Variants in DIS3L2 observed in about 807,000 individuals in gnomAD.
The protein encoded by DIS3L2 is DIS3-like exonuclease 2.
A neutral mutation model predicts 97.5 loss-of-function variants in DIS3L2; 34 were observed. That is an observed-to-expected ratio of 0.35 (90% CI 0.27 to 0.46). DIS3L2 has a LOEUF of 0.46. DIS3L2 is among the 20% of genes least tolerant of loss of function. The pLI is 1.00. For missense variants in DIS3L2, 1,038 were observed against 1,146.0 expected (o/e 0.91, Z 1.36); for synonymous variants, 435 against 445.2 (o/e 0.98, Z 0.29).
chr2:232,330,795 C>T lies in DIS3L2; in HGVS notation c.2010+19C>T, dbSNP rs369487522. 2.6e-5 allele frequency: 42 copies of T among 1,605,596 alleles called. No homozygotes were observed. Among genetic ancestry groups the T allele is most frequent in the African/African-American group, 2.1e-4 (16 of 75,048 alleles). Reference sequence around the variant, plus strand: ...CATGCAGGTAAGGAGGGCCCAGCCCCGGCCTCCCCTGCTCCCAGGAGCACA... The same window carrying T: ...CATGCAGGTAAGGAGGGCCCAGCCCTGGCCTCCCCTGCTCCCAGGAGCACA... On this transcript the variant is annotated intron_variant, in intron 16 of 20. Coordinates refer to ENST00000325385, the MANE Select transcript of DIS3L2 (RefSeq NM_152383.5).
At chr2:232,132,903 A>C (rs1328157763) in intron 7 of DIS3L2, among the ~76,000 whole-genome samples, 1 of 152,154 alleles carries the variant, frequency 6.6e-6, no homozygotes. Context: ...ACATCTACCC[A>C]GAAAACACCA....
chr2:231,966,409 A>G (rs370380517), intron 1 of DIS3L2, among the ~76,000 whole-genome samples: 3 of 151,328 alleles, frequency 2.0e-5, no homozygotes, highest in Admixed American at 1.3e-4. Flanking sequence ...ACCTCAAGCA[A>G]TCCACCCGCC....
intron 7 of DIS3L2, among the ~76,000 whole-genome samples, chr2:232,134,875 A>G (rs1042708317): frequency 1.3e-5 from 2 of 151,966 alleles, no homozygotes; most frequent in Admixed American, 6.6e-5. Context: ...GTGTGCGCAC[A>G]CACACACACA....
At chr2:232,250,481 T>C (rs1032093516) in intron 12 of DIS3L2, among the ~76,000 whole-genome samples, 3 of 144,520 alleles carry the variant, frequency 2.1e-5, no homozygotes, top group Non-Finnish European at 4.5e-5. Flanking sequence ...GAGCCAGCAA[T>C]AGAGAAAGCC....
chr2:232,154,400 G>T (rs1464596201), intron 8 of DIS3L2, among the ~76,000 whole-genome samples: 848 of 13,332 alleles, frequency 0.064, 58 homozygotes, highest in South Asian at 0.22. Context: ...GTCCTTTCTG[G>T]TTGTTAGTTT....
intron 14 of DIS3L2, among the ~76,000 whole-genome samples, 177 bp downstream of exon 14, chr2:232,300,296 C>G (rs1694822051): frequency 6.6e-6 from 1 of 152,166 alleles, no homozygotes; most frequent in Non-Finnish European, 1.5e-5. Context: ...CTCTTTGCCC[C>G]TAAGTATAGA....
At chr2:232,172,312 A>G (rs1205738376) in intron 9 of DIS3L2, among the ~76,000 whole-genome samples, 1 of 151,898 alleles carries the variant, frequency 6.6e-6, no homozygotes, top group Non-Finnish European at 1.5e-5. Context: ...CTCTCCCCCC[A>G]GCTTCTCACA....
rs1695848166 is a variant in DIS3L2, at chr2:232,333,873, G to A, written c.2044G>A (p.Asp682Asn). Residue 682 changes from aspartate to asparagine, a missense_variant, in exon 17 of 21, where the codon GAC becomes AAC. Physicochemically the swap from Asp to Asn is conservative, Grantham distance 23 (BLOSUM62 1). Coordinates refer to ENST00000325385, the MANE Select transcript of DIS3L2 (RefSeq NM_152383.5). ...ALYFCSGLLQ[D>N]PAQFRHYALN... Reference sequence around the variant, plus strand: ...GTACTTCTGCTCGGGGCTGCTGCAGGACCCAGCGCAGTTCCGGCACTACGC... The same window carrying A: ...GTACTTCTGCTCGGGGCTGCTGCAGAACCCAGCGCAGTTCCGGCACTACGC... The A allele has an allele frequency of 6.2e-7, 1 of 1,612,628 alleles. No homozygotes were observed. The highest frequency in any genetic ancestry group is 1.3e-5 in the African/African-American group (1 of 74,934).
intron 1 of DIS3L2, among the ~76,000 whole-genome samples, chr2:231,985,060 C>T (rs1377030723): frequency 6.6e-6 from 1 of 152,198 alleles, no homozygotes; most frequent in Non-Finnish European, 1.5e-5. Context: ...CTGCACATAC[C>T]TTATTCACAT....
chr2:232,128,451 A>ATTTTTTTTTTTTTTT lies in DIS3L2; in HGVS notation c.602-2154_602-2140dup, dbSNP rs10682281. On this transcript the variant is annotated intron_variant, in intron 6 of 20. Transcript: ENST00000325385. ...TCTCATTAAATTGACAACTTTGCTA[A>ATTTTTTTTTTTTTTT]TTTTTTTTTTTTTTTTTTTTTTTTT... is the stretch of plus-strand genomic sequence containing the variant. Among the ~76,000 whole-genome samples, 10 of 71,694 alleles carry ATTTTTTTTTTTTTTT rather than the reference A, an allele frequency of 1.4e-4. 1 individual carries two copies. The highest frequency in any genetic ancestry group is 5.9e-4 in the African/African-American group (10 of 16,830). The allele number at this position is 71,694 out of a possible 152,430, so 47.0% of individuals were successfully genotyped here.
At chr2:232,333,361 T>C (rs1225699082) in intron 16 of DIS3L2, among the ~76,000 whole-genome samples, 2 of 138,144 alleles carry the variant, frequency 1.4e-5, no homozygotes, top group Admixed American at 1.4e-4. Context: ...TCCTTCTTCC[T>C]GGGCGAGAGT....
At chr2:232,034,641 G>A (rs917547726) in intron 5 of DIS3L2, among the ~76,000 whole-genome samples, 1 of 152,174 alleles carries the variant, frequency 6.6e-6, no homozygotes, top group African/African-American at 2.4e-5. Context: ...TGCTTTAGCT[G>A]TATCCCAGAG....
intron 8 of DIS3L2, 98 bp downstream of exon 8, chr2:232,136,817 T>C: frequency 6.9e-7 from 1 of 1,447,434 alleles, no homozygotes; most frequent in East Asian, 2.3e-5. Context: ...TATTATTTCT[T>C]TATTGAAGCA....
intron 5 of DIS3L2, among the ~76,000 whole-genome samples, chr2:232,052,029 CTT>C (rs879827503): frequency 2.8e-5 from 4 of 141,860 alleles, no homozygotes; most frequent in East Asian, 2.0e-4. Context: ...TCTTAATTTC[CTT>C]TTTTTTTTTT....
intron 11 of DIS3L2, among the ~76,000 whole-genome samples, chr2:232,246,121 T>C (rs1157222102): frequency 2.0e-5 from 3 of 152,088 alleles, no homozygotes; most frequent in Admixed American, 6.6e-5. Context: ...TAGGACAGTG[T>C]TGTAAATGCA....
At chr2:231,997,355 AG>A (rs1693759115) in intron 1 of DIS3L2, among the ~76,000 whole-genome samples, 1 of 152,226 alleles carries the variant, frequency 6.6e-6, no homozygotes, top group Admixed American at 6.5e-5. Context: ...GTAAAATATA[AG>A]TGAGTAAAGT....
At chr2:232,095,495 A>G (rs558031910) in intron 6 of DIS3L2, among the ~76,000 whole-genome samples, 1 of 152,230 alleles carries the variant, frequency 6.6e-6, no homozygotes, top group Non-Finnish European at 1.5e-5. Flanking sequence ...GCTTTTATTC[A>G]CATCTTACAA....
Position 232,337,104 on chromosome 2 carries a change from A to G in DIS3L2, c.*474A>G, listed in dbSNP as rs1473223888. 1 of 1,023,390 alleles carries G rather than the reference A, an allele frequency of 9.8e-7. No homozygotes were observed. The highest frequency in any genetic ancestry group is 5.5e-5 in the Admixed American group (1 of 18,262). The allele number at this position is 1,023,390 out of a possible 1,614,324, so 63.4% of individuals were successfully genotyped here. ...TGTCAACACCTGGAACTTTCCTGTC[A>G]GTTCCAACACGATTCAGAGCTGGCT... On this transcript the variant is annotated 3_prime_UTR_variant, in exon 21 of 21. Coordinates refer to ENST00000325385, the MANE Select transcript of DIS3L2 (RefSeq NM_152383.5).
In DIS3L2 at chr2:232,326,233, G is replaced by C. The variant is rs1424188084; in HGVS notation, c.1740-3580G>C. Reference sequence around the variant, plus strand: ...TGGCCCACCAGGGAATTGACAGGGTGGGGGACTGTGGAGCCTGTGCTGGCC... The same window carrying C: ...TGGCCCACCAGGGAATTGACAGGGTCGGGGACTGTGGAGCCTGTGCTGGCC... On this transcript the variant is annotated intron_variant, in intron 14 of 20. Transcript: ENST00000325385. 1.6e-4 allele frequency among the ~76,000 whole-genome samples: 24 copies of C among 152,278 alleles called. 1 individual carries two copies. The East Asian group carries it at 4.5e-3, about 28-fold the overall frequency.
Sources: gnomAD v4.1 joint callset for allele counts (sites outside exome capture counted in the v4.1 genomes callset) on GRCh38, gnomAD v4.1.1 for gene constraint, MANE v1.5 for transcripts, NCBI Gene and HGNC (gene_info 2026-07-23, HGNC 2026-07-21) for gene names.